SEMA6D: variants seen among roughly 807,000 people sequenced by gnomAD.
SEMA6D encodes semaphorin 6D.
In SEMA6D, 35 loss-of-function variants were observed where a neutral mutation model predicts 106.6. The observed-to-expected ratio is 0.33, with a 90% CI of 0.25 to 0.44. The LOEUF (loss-of-function observed/expected upper bound fraction) is 0.44. Among genes scored for constraint, SEMA6D ranks in the 20% least tolerant of loss-of-function variants. The pLI, the probability that SEMA6D is intolerant of heterozygous loss-of-function variation, is 1.00. For missense variants in SEMA6D, 1,185 were observed against 1,345.9 expected (o/e 0.88, Z 1.87); for synonymous variants, 499 against 487.7 (o/e 1.02, Z -0.31).
intron 3 of SEMA6D, among the ~76,000 whole-genome samples, chr15:47,557,647 A>ACACTT (rs2045952306): frequency 6.6e-6 from 1 of 152,192 alleles, no homozygotes; most frequent in East Asian, 1.9e-4. Flanking sequence ...TAGTAGCTGT[A>ACACTT]CACTTCACAG....
chr15:47,382,581 G>A (rs755137047), intron 1 of SEMA6D, among the ~76,000 whole-genome samples: 24 of 152,162 alleles, frequency 1.6e-4, no homozygotes, highest in South Asian at 8.3e-4. Context: ...AACCAAGTCC[G>A]CAAACATATA....
chr15:47,282,857 A>G (rs2045158), intron 1 of SEMA6D, among the ~76,000 whole-genome samples: 67,029 of 151,976 alleles, frequency 0.44, 16,803 homozygotes, highest in Non-Finnish European at 0.57. Flanking sequence ...GACGCTTACC[A>G]GCACTGTTGG....
At chr15:47,732,686 A>T (rs768391709) in intron 1 of SEMA6D, among the ~76,000 whole-genome samples, 9 of 152,234 alleles carry the variant, frequency 5.9e-5, no homozygotes, top group Non-Finnish European at 1.2e-4. Flanking sequence ...ACATTTGTGA[A>T]TGTGCTCAAA....
chr15:47,318,146 A>AT (rs2036763981), intron 1 of SEMA6D, among the ~76,000 whole-genome samples: 1 of 146,868 alleles, frequency 6.8e-6, no homozygotes, highest in African/African-American at 2.5e-5. Context: ...CTTATATTTT[A>AT]TTTTTTGAAT....
chr15:47,766,577 G>T, intron 15 of SEMA6D, 39 bp from the exon 16 acceptor site: 1 of 1,606,724 alleles, frequency 6.2e-7, no homozygotes, highest in Non-Finnish European at 8.5e-7. Context: ...TCCTATGAAG[G>T]CTGTTAACCG....
At chr15:47,299,951 T>C (rs2035955834) in intron 1 of SEMA6D, among the ~76,000 whole-genome samples, 1 of 152,060 alleles carries the variant, frequency 6.6e-6, no homozygotes. Flanking sequence ...CCCTAGCAAT[T>C]GTACAGAGGA....
intron 1 of SEMA6D, among the ~76,000 whole-genome samples, chr15:47,342,176 C>A (rs1435462831): frequency 1.3e-5 from 2 of 152,028 alleles, no homozygotes; most frequent in Admixed American, 6.6e-5. Flanking sequence ...TAGTGGAAAC[C>A]AACAACTAAT....
intron 2 of SEMA6D, among the ~76,000 whole-genome samples, chr15:47,454,039 G>T (rs1322353188): frequency 1.3e-5 from 2 of 151,912 alleles, no homozygotes; most frequent in Non-Finnish European, 2.9e-5. Flanking sequence ...AGCTAGTGTT[G>T]TGAGTGGTGC....
chr15:47,281,677 A>G (rs904284616), intron 1 of SEMA6D, among the ~76,000 whole-genome samples: 22 of 152,022 alleles, frequency 1.4e-4, no homozygotes, highest in Non-Finnish European at 3.2e-4. Flanking sequence ...TATTTTTTTG[A>G]TATAATGTCT....
chr15:47,399,025 C>T (rs1283734765), intron 1 of SEMA6D, among the ~76,000 whole-genome samples: 1 of 152,174 alleles, frequency 6.6e-6, no homozygotes, highest in African/African-American at 2.4e-5. Context: ...ATTTATGAGC[C>T]ACCACCTTGC....
chr15:47,188,700 T>C (rs958279604), intron 1 of SEMA6D, among the ~76,000 whole-genome samples: 1 of 152,210 alleles, frequency 6.6e-6, no homozygotes, highest in Non-Finnish European at 1.5e-5. Flanking sequence ...TAATGTCTTA[T>C]TTTGTTTTTC....
At chr15:47,191,178 C>CAT (rs71425589) in intron 1 of SEMA6D, among the ~76,000 whole-genome samples, 37,793 of 148,388 alleles carry the variant, frequency 0.25, 5,153 homozygotes, top group Non-Finnish European at 0.32. Context: ...TGTCTCAAAA[C>CAT]ATATATATAT....
At chr15:47,665,494 C>G (rs1406111854) in intron 4 of SEMA6D, among the ~76,000 whole-genome samples, 1 of 152,074 alleles carries the variant, frequency 6.6e-6, no homozygotes, top group Non-Finnish European at 1.5e-5. Flanking sequence ...TTGGGCTGGA[C>G]AAAATACATT....
In SEMA6D at chr15:47,681,943, TA is replaced by T. The variant is rs550285279; in HGVS notation, c.-54-77794del. 3.2e-3 allele frequency among the ~76,000 whole-genome samples: 481 copies of T among 152,048 alleles called. 3 individuals carry two copies. Among genetic ancestry groups the T allele is most frequent in the African/African-American group, 0.011 (461 of 41,476 alleles). Reference sequence around the variant, plus strand: ...ATATTTGATCATAAAAATTACTCTTTAAAAAAAAGCTTTTAGGTTCAATGGT... The same window carrying T: ...ATATTTGATCATAAAAATTACTCTTTAAAAAAAGCTTTTAGGTTCAATGGT... On this transcript the variant is annotated intron_variant, in intron 4 of 19. Coordinates refer to the SEMA6D transcript ENST00000558014.
chr15:47,481,893 C>G (rs769858437), intron 3 of SEMA6D, among the ~76,000 whole-genome samples: 3 of 152,124 alleles, frequency 2.0e-5, no homozygotes, highest in Non-Finnish European at 2.9e-5. Flanking sequence ...AACTGTGTCT[C>G]ACCAGGTCTG....
intron 3 of SEMA6D, among the ~76,000 whole-genome samples, chr15:47,544,060 A>G (rs2045441743): frequency 6.6e-6 from 1 of 152,184 alleles, no homozygotes; most frequent in Non-Finnish European, 1.5e-5. Flanking sequence ...AATTTTGACC[A>G]CGAAAATAAA....
intron 1 of SEMA6D, among the ~76,000 whole-genome samples, chr15:47,356,864 C>T (rs1353923948): frequency 1.3e-5 from 2 of 152,156 alleles, no homozygotes; most frequent in Non-Finnish European, 2.9e-5. Context: ...GCCCAATACA[C>T]ATGTATAAAA....
rs1208823215 is a variant in SEMA6D, at chr15:47,412,761, A to T, written c.-159+289A>T. Among the ~76,000 whole-genome samples, 3 of 152,356 alleles carry T rather than the reference A, an allele frequency of 2.0e-5. No individual in the cohort carries two copies. The East Asian group carries it at 5.8e-4, about 29-fold the overall frequency. ...CATTTTGAACAATGAAACTACGTGT[A>T]TTCAGAAGAGATATGATTATACAGC... On this transcript the variant is annotated intron_variant, in intron 2 of 19. Transcript: ENST00000558014.
chr15:47,574,462 T>C lies in SEMA6D; in HGVS notation c.-86-26403T>C, dbSNP rs192121393. Among the ~76,000 whole-genome samples, 10 of 152,298 alleles carry C rather than the reference T, an allele frequency of 6.6e-5. No individual in the cohort carries two copies. The East Asian group carries it at 1.7e-3, about 26-fold the overall frequency. The stretch of plus-strand genomic sequence containing the variant: ...ATATAAAATTCTATATACACATCAA[T>C]TGAAACAACTCTATTACTTTTTCAC... On this transcript the variant is annotated intron_variant, in intron 3 of 19. Transcript: ENST00000558014.
Sources: gnomAD v4.1 joint callset for allele counts (sites outside exome capture counted in the v4.1 genomes callset) on GRCh38, gnomAD v4.1.1 for gene constraint, MANE v1.5 for transcripts, NCBI Gene and HGNC (gene_info 2026-07-23, HGNC 2026-07-21) for gene names.